DLG2: variants seen among roughly 807,000 people sequenced by gnomAD.
The protein encoded by DLG2 is disks large homolog 2.
DLG2 carries 45 observed loss-of-function variants against 132.5 expected under a neutral mutation model. That is an observed-to-expected ratio of 0.34 (90% confidence interval 0.27 to 0.44). The LOEUF is 0.44. DLG2 is among the 20% of genes least tolerant of loss of function. The pLI is 1.00. For synonymous variants in DLG2, 424 were observed against 419.6 expected (o/e 1.01, Z -0.13); for missense variants, 1,045 against 1,196.9 (o/e 0.87, Z 1.87).
chr11:85,265,070 T>C (rs1355445472), intron 4 of DLG2, among the ~76,000 whole-genome samples: 1 of 152,200 alleles, frequency 6.6e-6, no homozygotes, highest in Non-Finnish European at 1.5e-5. Context: ...CCTTCAGCTA[T>C]AAACTCTCCC....
At chr11:85,381,664 G>A (rs186028753) in intron 3 of DLG2, among the ~76,000 whole-genome samples, 14 of 151,938 alleles carry the variant, frequency 9.2e-5, no homozygotes, top group African/African-American at 3.1e-4. Flanking sequence ...CAAGGTTGTA[G>A]GATACAAGAC....
chr11:84,412,479 C>T (rs1297278319), intron 7 of DLG2, among the ~76,000 whole-genome samples: 1 of 152,140 alleles, frequency 6.6e-6, no homozygotes, highest in Non-Finnish European at 1.5e-5. Flanking sequence ...CCTGAAGAAG[C>T]AATTAATATT....
chr11:85,412,081 C>G (rs1214842065), intron 3 of DLG2, among the ~76,000 whole-genome samples: 1 of 151,782 alleles, frequency 6.6e-6, no homozygotes, highest in Non-Finnish European at 1.5e-5. Context: ...TAAATCATGT[C>G]CTATCTTCTT....
At chr11:85,137,210 T>C (rs1274042036) in intron 5 of DLG2, among the ~76,000 whole-genome samples, 1 of 152,124 alleles carries the variant, frequency 6.6e-6, no homozygotes, top group Non-Finnish European at 1.5e-5. Flanking sequence ...TGCTATTGTG[T>C]TAGAAAAACA....
chr11:84,684,222 T>C (rs1366014872), intron 6 of DLG2, among the ~76,000 whole-genome samples: 1 of 152,208 alleles, frequency 6.6e-6, no homozygotes, highest in African/African-American at 2.4e-5. Flanking sequence ...AGCTGAGTAG[T>C]AGGAGATAAT....
intron 19 of DLG2, among the ~76,000 whole-genome samples, chr11:83,606,289 C>T (rs1405998423): frequency 6.6e-6 from 1 of 151,984 alleles, no homozygotes; most frequent in Non-Finnish European, 1.5e-5. Context: ...TAGTTGTAGT[C>T]AGTAAAGAAA....
At chr11:83,949,516 C>T (rs1318905849) in intron 14 of DLG2, among the ~76,000 whole-genome samples, 1 of 152,056 alleles carries the variant, frequency 6.6e-6, no homozygotes, top group African/African-American at 2.4e-5. Context: ...TTCAACACTA[C>T]CCTGCCAACT....
intron 3 of DLG2, among the ~76,000 whole-genome samples, chr11:85,596,479 G>A (rs1194533079): frequency 1.3e-5 from 2 of 152,152 alleles, no homozygotes; most frequent in Non-Finnish European, 2.9e-5. Flanking sequence ...ATTACAGCAT[G>A]TTCTGCAGTA....
intron 7 of DLG2, among the ~76,000 whole-genome samples, chr11:84,285,384 C>G (rs1023325371): frequency 5.3e-5 from 8 of 152,276 alleles, no homozygotes; most frequent in Admixed American, 2.6e-4. Flanking sequence ...TGGCCCATCT[C>G]CCCCTTCTCT....
intron 6 of DLG2, among the ~76,000 whole-genome samples, chr11:85,045,282 A>G (rs1405915695): frequency 6.6e-6 from 1 of 151,974 alleles, no homozygotes; most frequent in Non-Finnish European, 1.5e-5. Flanking sequence ...ATAATAAGCT[A>G]TATGTTCCAA....
intron 6 of DLG2, among the ~76,000 whole-genome samples, chr11:84,943,916 A>G (rs564398820): frequency 9.2e-5 from 14 of 152,246 alleles, no homozygotes; most frequent in South Asian, 6.2e-4. Context: ...AGCATTTCTT[A>G]GAAGACAAAT....
At chr11:83,489,979 A>G (rs574699557) in intron 21 of DLG2, among the ~76,000 whole-genome samples, 6 of 152,090 alleles carry the variant, frequency 3.9e-5, no homozygotes, top group Admixed American at 3.9e-4. Flanking sequence ...GGATTTTCTA[A>G]AAAGTTTTAT....
chr11:83,829,236 GC>G, intron 17 of DLG2, among the ~76,000 whole-genome samples: 1 of 120,962 alleles, frequency 8.3e-6, no homozygotes, highest in East Asian at 2.4e-4. Flanking sequence ...TCACTCTGTT[GC>G]CCAGGCTGGG....
At chr11:84,067,871 G>A (rs1414920270) in intron 10 of DLG2, among the ~76,000 whole-genome samples, 1 of 152,204 alleles carries the variant, frequency 6.6e-6, no homozygotes, top group Non-Finnish European at 1.5e-5. Context: ...GAAGAGGAAT[G>A]TTTTAGAGGC....
intron 18 of DLG2, among the ~76,000 whole-genome samples, chr11:83,762,754 TG>T (rs577342146): frequency 3.3e-4 from 50 of 152,230 alleles, no homozygotes; most frequent in Non-Finnish European, 6.6e-4. Context: ...CTAATTTTTT[TG>T]TATTTTTAGT....
intron 6 of DLG2, among the ~76,000 whole-genome samples, chr11:84,878,573 G>C (rs2086783878): frequency 6.6e-6 from 1 of 152,070 alleles, no homozygotes; most frequent in South Asian, 2.1e-4. Context: ...GGTGGCTAGG[G>C]GAGGGATAGC....
chr11:84,635,198 T>C (rs911729439), intron 6 of DLG2, among the ~76,000 whole-genome samples: 1 of 152,236 alleles, frequency 6.6e-6, no homozygotes, highest in Non-Finnish European at 1.5e-5. Context: ...AAGCCACAGC[T>C]TGGGTGTGCC....
chr11:83,884,224 C>T (rs574369660), intron 15 of DLG2, among the ~76,000 whole-genome samples: 2 of 152,288 alleles, frequency 1.3e-5, no homozygotes, highest in South Asian at 2.1e-4. Flanking sequence ...CCTGGAAAAT[C>T]GGGTCACTCC....
At chr11:84,151,461 G>C (rs2095291034) in intron 9 of DLG2, among the ~76,000 whole-genome samples, 1 of 152,010 alleles carries the variant, frequency 6.6e-6, no homozygotes, top group African/African-American at 2.4e-5. Context: ...ATTCTGGCTA[G>C]TGGTCTATAA....
Sources: gnomAD v4.1 joint callset for allele counts (sites outside exome capture counted in the v4.1 genomes callset) on GRCh38, gnomAD v4.1.1 for gene constraint, MANE v1.5 for transcripts, NCBI Gene and HGNC (gene_info 2026-07-23, HGNC 2026-07-21) for gene names.